The following APPL2 variants were observed in gnomAD, a reference collection of about 807,000 sequenced individuals.
The protein encoded by APPL2 is adaptor protein, phosphotyrosine interacting with PH domain and leucine zipper 2, also known as DCC-interacting protein 13-beta.
In APPL2, 84 loss-of-function variants were observed where a neutral mutation model predicts 92.7. The observed-to-expected ratio is 0.91, with a 90% CI of 0.76 to 1.09. APPL2 has a LOEUF of 1.09. Ranked by LOEUF, APPL2 falls within the 50% of genes least tolerant of loss-of-function variation. The probability of loss-of-function intolerance (pLI) is 0.00; values close to 1 mark genes in which losing one functional copy is unlikely to be tolerated. For synonymous variants in APPL2, 291 were observed against 291.0 expected, an observed-to-expected ratio of 1.00 and a Z score of 0.00; for missense variants, 736 against 824.5, an observed-to-expected ratio of 0.89 and a Z score of 1.31.
At chr12:105,201,909 G>A (rs373813260) in intron 9 of APPL2, among the ~76,000 whole-genome samples, 47 of 152,246 alleles carry the variant, frequency 3.1e-4, no homozygotes, top group Middle Eastern at 3.4e-3. Flanking sequence ...AAAGCACAGA[G>A]CACCTGTGGC....
intron 2 of APPL2, among the ~76,000 whole-genome samples, chr12:105,228,177 C>T (rs1890664029): frequency 6.6e-6 from 1 of 152,188 alleles, no homozygotes; most frequent in Non-Finnish European, 1.5e-5. Context: ...CTATATACTA[C>T]TGAATGTGGT....
chr12:105,219,150 T>C (rs1207493748), intron 2 of APPL2, among the ~76,000 whole-genome samples: 1 of 152,254 alleles, frequency 6.6e-6, no homozygotes, highest in Non-Finnish European at 1.5e-5. Flanking sequence ...CCTGGGGTTG[T>C]TGTTCCTTTA....
At chr12:105,233,495 C>T (rs1471126177) in intron 1 of APPL2, 2 of 702,362 alleles carry the variant, frequency 2.8e-6, no homozygotes, top group African/African-American at 3.9e-5. Flanking sequence ...TCCTGGGTCA[C>T]TCAGTTCAAT....
At chr12:105,229,464 G>C (rs563555798) in intron 1 of APPL2, among the ~76,000 whole-genome samples, 3 of 152,216 alleles carry the variant, frequency 2.0e-5, no homozygotes, top group Non-Finnish European at 4.4e-5. Context: ...ATTGGAGCCA[G>C]AAAAGCCAGT....
chr12:105,199,255 C>T, intron 10 of APPL2, 118 bp downstream of exon 10: 1 of 1,245,410 alleles, frequency 8.0e-7, no homozygotes, highest in Non-Finnish European at 1.1e-6. Flanking sequence ...GATGGGAGTT[C>T]TTCCCAGTCT....
intron 5 of APPL2, 84 bp downstream of exon 5, chr12:105,211,146 A>G (rs1592812129): frequency 1.0e-5 from 10 of 993,108 alleles, no homozygotes; most frequent in East Asian, 7.4e-5. Context: ...CGATCCACAC[A>G]TTGAAAGAAA....
At chr12:105,180,083 T>G (rs565871402) in intron 17 of APPL2, among the ~76,000 whole-genome samples, 42 of 152,352 alleles carry the variant, frequency 2.8e-4, no homozygotes, top group Non-Finnish European at 5.3e-4. Flanking sequence ...CTAGGTTTTC[T>G]TCTAGGGTTT....
chr12:105,188,337 G>C lies in APPL2; in HGVS notation c.1570C>G (p.Arg524Gly). The C allele has an allele frequency of 6.2e-7, 1 of 1,614,142 alleles. No homozygotes were observed. The highest frequency in any genetic ancestry group is 8.5e-7 in the Non-Finnish European group (1 of 1,180,016). Residue 524 changes from arginine (R) to glycine (G), a missense_variant, in exon 17 of 21, where the codon CGG becomes GGG. Physicochemically the swap from Arg to Gly is moderately radical, Grantham distance 125. Transcript: ENST00000258530. Reference protein sequence around the residue: ...YEAMRQVLAARAIHNIFRMTE... With the variant: ...YEAMRQVLAAGAIHNIFRMTE... ...ATGCGGAAGATGTTATGAATAGCCC[G>C]AGCAGCCAATACTTGTCTCATCGCT... is the stretch of plus-strand genomic sequence containing the variant.
intron 17 of APPL2, among the ~76,000 whole-genome samples, chr12:105,183,567 G>A (rs568372088): frequency 1.3e-5 from 2 of 152,288 alleles, no homozygotes; most frequent in African/African-American, 4.8e-5. Context: ...TTTTCCTTAA[G>A]AATGTTAAAT....
chr12:105,215,705 ATTCT>A (rs1454194668), intron 4 of APPL2, among the ~76,000 whole-genome samples: 3 of 152,166 alleles, frequency 2.0e-5, no homozygotes, highest in Non-Finnish European at 4.4e-5. Context: ...CTTTATGTTT[ATTCT>A]TTATCATGAT....
chr12:105,207,443 C>G (rs1191503904), intron 7 of APPL2, among the ~76,000 whole-genome samples: 1 of 152,216 alleles, frequency 6.6e-6, no homozygotes, highest in African/African-American at 2.4e-5. Flanking sequence ...CTCCTGGGAG[C>G]AGTGCAAAGT....
intron 5 of APPL2, among the ~76,000 whole-genome samples, chr12:105,209,746 C>G (rs1406262179): frequency 3.3e-5 from 5 of 152,208 alleles, no homozygotes; most frequent in African/African-American, 9.7e-5. Context: ...TATGCAATGA[C>G]AGATGAGCAA....
chr12:105,186,622 TATATCATATATATCATATATATGATATCG>T (rs1312530935), intron 17 of APPL2, among the ~76,000 whole-genome samples: 9 of 125,678 alleles, frequency 7.2e-5, no homozygotes, highest in Non-Finnish European at 9.6e-5. Context: ...ATATCATATA[TATATCATATATATCATATATATGATATCG>T]ATATCATATA....
chr12:105,200,076 C>A (rs1341954437), intron 9 of APPL2, among the ~76,000 whole-genome samples: 6 of 152,044 alleles, frequency 3.9e-5, no homozygotes, highest in African/African-American at 1.2e-4. Flanking sequence ...CCTTGTGATC[C>A]GCCTGCCTCG....
intron 2 of APPL2, among the ~76,000 whole-genome samples, chr12:105,226,949 C>T (rs1890553911): frequency 6.6e-6 from 1 of 151,734 alleles, no homozygotes; most frequent in Non-Finnish European, 1.5e-5. Context: ...CTTATCTCTA[C>T]CAAAAATCAA....
chr12:105,199,598 G>A, intron 9 of APPL2, 67 bp from the exon 10 acceptor site: 2 of 1,529,708 alleles, frequency 1.3e-6, no homozygotes, highest in South Asian at 2.5e-5. Flanking sequence ...AGAAGCCACT[G>A]GCAGCCATCA....
intron 20 of APPL2, among the ~76,000 whole-genome samples, 196 bp downstream of exon 20, chr12:105,175,839 G>T (rs1265090574): frequency 1.3e-5 from 2 of 151,346 alleles, no homozygotes; most frequent in Non-Finnish European, 2.9e-5. Flanking sequence ...GCAGTGATAA[G>T]AAGTCCTCAT....
At chr12:105,216,035 CA>C (rs915195497) in intron 4 of APPL2, among the ~76,000 whole-genome samples, 1 of 152,000 alleles carries the variant, frequency 6.6e-6, no homozygotes, top group Non-Finnish European at 1.5e-5. Context: ...TTATAAACAA[CA>C]AAAAAAGATG....
At chr12:105,186,372 C>T (rs986647078) in intron 17 of APPL2, among the ~76,000 whole-genome samples, 2 of 151,986 alleles carry the variant, frequency 1.3e-5, no homozygotes, top group African/African-American at 4.8e-5. Context: ...TTTTGTTGAT[C>T]CATTCATTTG....
Sources: allele counts gnomAD v4.1 joint callset (sites outside exome capture counted in the v4.1 genomes callset), GRCh38; gene constraint gnomAD v4.1.1; transcripts MANE v1.5; gene names NCBI Gene and HGNC (gene_info 2026-07-23, HGNC 2026-07-21).